Variants in CALN1 observed in about 807,000 individuals in gnomAD.
CALN1 encodes the protein calneuron 1.
In CALN1, 17 loss-of-function variants were observed where a neutral mutation model predicts 30.6. The ratio of observed to expected loss-of-function variants is 0.56; its 90% CI spans 0.38 to 0.83. The LOEUF (loss-of-function observed/expected upper bound fraction) is 0.83, where lower values mean the gene tolerates loss of function less well. Among genes scored for constraint, CALN1 ranks in the 40% least tolerant of loss-of-function variants. The pLI, the probability that CALN1 is intolerant of heterozygous loss-of-function variation, is 0.00. For synonymous variants in CALN1, 156 were observed against 131.4 expected (o/e 1.19, Z -1.28); for missense variants, 291 against 354.9 (o/e 0.82, Z 1.45).
chr7:72,418,283 TA>T (rs1375304654), intron 1 of CALN1, among the ~76,000 whole-genome samples: 1 of 152,230 alleles, frequency 6.6e-6, no homozygotes, highest in African/African-American at 2.4e-5. Flanking sequence ...TATGTTGTTG[TA>T]AAGGACATGA....
At chr7:71,897,216 G>A (rs908617522) in intron 5 of CALN1, among the ~76,000 whole-genome samples, 3 of 152,110 alleles carry the variant, frequency 2.0e-5, no homozygotes, top group African/African-American at 7.2e-5. Context: ...TGTAAGATTC[G>A]CATTTAATTT....
At chr7:72,228,346 T>C (rs897507393) in intron 3 of CALN1, among the ~76,000 whole-genome samples, 1 of 151,688 alleles carries the variant, frequency 6.6e-6, no homozygotes, top group African/African-American at 2.4e-5. Context: ...AACAATTAGT[T>C]TAAATGTCTG....
chr7:72,085,041 A>G (rs756201179), intron 4 of CALN1, among the ~76,000 whole-genome samples: 2 of 152,254 alleles, frequency 1.3e-5, no homozygotes, highest in African/African-American at 2.4e-5. Flanking sequence ...TGACATTGTC[A>G]TGGCTCCATG....
At chr7:72,147,658 T>C (rs142285204) in intron 3 of CALN1, among the ~76,000 whole-genome samples, 4,496 of 152,130 alleles carry the variant, frequency 0.03, 157 homozygotes, top group Non-Finnish European at 0.035. Context: ...CATATGTTTA[T>C]TGTGGCACTA....
At chr7:72,254,369 T>C (rs1275174209) in intron 3 of CALN1, among the ~76,000 whole-genome samples, 1 of 152,168 alleles carries the variant, frequency 6.6e-6, no homozygotes, top group Non-Finnish European at 1.5e-5. Flanking sequence ...TTGAGTGTAC[T>C]TGATTTGTCT....
intron 6 of CALN1, among the ~76,000 whole-genome samples, chr7:71,797,871 C>T (rs16869552): frequency 6.6e-6 from 1 of 152,104 alleles, no homozygotes; most frequent in African/African-American, 2.4e-5. Flanking sequence ...AGGTGTCATA[C>T]CCAAAGATTG....
At chr7:72,096,608 G>C (rs930621055) in intron 4 of CALN1, among the ~76,000 whole-genome samples, 1 of 152,166 alleles carries the variant, frequency 6.6e-6, no homozygotes, top group African/African-American at 2.4e-5. Flanking sequence ...ACGCTTCCTG[G>C]TTCGACTGTT....
intron 3 of CALN1, among the ~76,000 whole-genome samples, chr7:72,190,988 C>T (rs541044213): frequency 1.3e-5 from 2 of 152,258 alleles, no homozygotes; most frequent in African/African-American, 4.8e-5. Context: ...ATATCTTTGG[C>T]ATTCATTCAT....
the CALN1 span, among the ~76,000 whole-genome samples, chr7:72,496,507 C>T: frequency 1.3e-5 from 2 of 152,152 alleles, no homozygotes; most frequent in Non-Finnish European, 2.9e-5. Context: ...AATGGAAGTA[C>T]ACAATGTGAG....
chr7:72,323,661 CAA>C (rs199739156), intron 2 of CALN1, among the ~76,000 whole-genome samples: 60 of 96,226 alleles, frequency 6.2e-4, no homozygotes, highest in South Asian at 9.5e-4. Context: ...GACTCCATCT[CAA>C]AAAAAAAAAA....
chr7:71,913,566 T>C (rs990389021), intron 5 of CALN1, among the ~76,000 whole-genome samples: 17 of 152,206 alleles, frequency 1.1e-4, no homozygotes, highest in African/African-American at 4.1e-4. Flanking sequence ...TTTATTGTTT[T>C]TTAAAATGTA....
At chr7:72,192,335 C>T (rs995702718) in intron 3 of CALN1, among the ~76,000 whole-genome samples, 4 of 152,170 alleles carry the variant, frequency 2.6e-5, no homozygotes, top group Non-Finnish European at 4.4e-5. Context: ...CCTCCTGCCT[C>T]GGTCTTAGAA....
intron 3 of CALN1, among the ~76,000 whole-genome samples, chr7:72,263,389 A>C (rs1008411546): frequency 2.6e-5 from 4 of 151,932 alleles, no homozygotes; most frequent in Non-Finnish European, 2.9e-5. Flanking sequence ...TTTTTATTTT[A>C]TTTTATTTTT....
At chr7:72,010,990 T>C (rs964667985) in intron 5 of CALN1, among the ~76,000 whole-genome samples, 2 of 151,026 alleles carry the variant, frequency 1.3e-5, no homozygotes, top group Non-Finnish European at 3.0e-5. Context: ...TTGTCTCTTC[T>C]AAAAATACAA....
At chr7:72,391,282 T>C (rs966994340) in intron 2 of CALN1, among the ~76,000 whole-genome samples, 1 of 152,160 alleles carries the variant, frequency 6.6e-6, no homozygotes, top group African/African-American at 2.4e-5. Flanking sequence ...CCAGTTAGTT[T>C]AGGAAAAATG....
intron 2 of CALN1, among the ~76,000 whole-genome samples, chr7:72,332,949 G>A (rs1801771261): frequency 6.6e-6 from 1 of 152,188 alleles, no homozygotes; most frequent in South Asian, 2.1e-4. Flanking sequence ...AACTGACCAT[G>A]CCATCCTAAC....
chr7:72,243,892 C>A (rs1384838076), intron 3 of CALN1, among the ~76,000 whole-genome samples: 2 of 152,152 alleles, frequency 1.3e-5, no homozygotes, highest in Non-Finnish European at 2.9e-5. Flanking sequence ...TGACATACTT[C>A]TATTCCTTCT....
intron 5 of CALN1, among the ~76,000 whole-genome samples, chr7:71,871,507 G>A (rs558200581): frequency 1.4e-4 from 22 of 152,232 alleles, no homozygotes; most frequent in Non-Finnish European, 2.6e-4. Context: ...AGTGCTTTGG[G>A]AGGCTGAGTC....
intron 5 of CALN1, among the ~76,000 whole-genome samples, chr7:71,932,747 C>A (rs1023957034): frequency 2.7e-5 from 4 of 145,622 alleles, no homozygotes; most frequent in African/African-American, 1.0e-4. Context: ...ACCCGGGAGG[C>A]GGAGCTTACA....
Sources: allele counts gnomAD v4.1 joint callset (sites outside exome capture counted in the v4.1 genomes callset), GRCh38; gene constraint gnomAD v4.1.1; transcripts MANE v1.5; gene names NCBI Gene and HGNC (gene_info 2026-07-23, HGNC 2026-07-21).